Variants in GOLGA5 observed in about 807,000 individuals in gnomAD.
GOLGA5 encodes golgin subfamily A member 5.
Under a neutral mutation model 93.5 loss-of-function variants are expected in GOLGA5, and 50 were observed. That is an observed-to-expected ratio of 0.53 (90% CI 0.43 to 0.68). GOLGA5 has a LOEUF of 0.68. Ranked by LOEUF, GOLGA5 falls within the 30% of genes least tolerant of loss-of-function variation. The pLI is 0.00. For synonymous variants in GOLGA5, 312 were observed against 304.5 expected (o/e 1.02, Z -0.26); for missense variants, 760 against 856.4 (o/e 0.89, Z 1.40).
intron 2 of GOLGA5, among the ~76,000 whole-genome samples, chr14:92,801,531 C>T (rs189965830): frequency 1.3e-5 from 2 of 151,908 alleles, no homozygotes; most frequent in Non-Finnish European, 2.9e-5. Context: ...ATTCTAAATT[C>T]TAAATTCTTT....
At chr14:92,830,576 A>G (rs576100953) in intron 9 of GOLGA5, among the ~76,000 whole-genome samples, 2 of 152,032 alleles carry the variant, frequency 1.3e-5, no homozygotes, top group Non-Finnish European at 2.9e-5. Context: ...AATAGACTAC[A>G]GTATATTGTA....
intron 1 of GOLGA5, among the ~76,000 whole-genome samples, chr14:92,794,859 C>T (rs1406085342): frequency 6.7e-6 from 1 of 149,618 alleles, no homozygotes; most frequent in Non-Finnish European, 1.5e-5. Flanking sequence ...CAGGCCCTGC[C>T]GCAGCCCTTT....
chr14:92,817,663 G>T (rs945777897), intron 7 of GOLGA5, among the ~76,000 whole-genome samples: 7 of 152,118 alleles, frequency 4.6e-5, no homozygotes, highest in Non-Finnish European at 1.0e-4. Context: ...GAAACTTTTT[G>T]TAGAGAATGT....
chr14:92,798,264 AAAG>A (rs763264755), intron 2 of GOLGA5, among the ~76,000 whole-genome samples: 1 of 152,232 alleles, frequency 6.6e-6, no homozygotes, highest in Non-Finnish European at 1.5e-5. Flanking sequence ...AAGATTAAAA[AAAG>A]AAAATTTTGA....
In GOLGA5 at chr14:92,824,599, C is replaced by A. The variant is rs756384689; in HGVS notation, c.1674C>A (p.Ser558Arg). 14 of 1,604,736 alleles carry A rather than the reference C, an allele frequency of 8.7e-6. No homozygotes were observed. The highest frequency in any genetic ancestry group is 1.1e-5 in the Non-Finnish European group (13 of 1,173,550). ...DLYRTKNTLQ[S>R]RIKDRDEEIQ... ...ATCGAACAAAGAACACATTGCAAAG[C>A]AGAATTAAAGATCGAGACGAAGAAA... The change falls in exon 9 of 13, where the codon AGC becomes AGA. Residue 558 changes from serine to arginine, a missense_variant. By Grantham distance (110) the Ser-to-Arg change is moderately radical. Coordinates refer to ENST00000163416, the MANE Select transcript of GOLGA5 (RefSeq NM_005113.4).
chr14:92,825,335 A>C (rs1885395642), intron 9 of GOLGA5, among the ~76,000 whole-genome samples: 1 of 152,182 alleles, frequency 6.6e-6, no homozygotes. Context: ...ATAATTTTAA[A>C]TGTTTTGAAA....
At chr14:92,814,951 A>C (rs1305215468) in intron 6 of GOLGA5, among the ~76,000 whole-genome samples, 1 of 152,184 alleles carries the variant, frequency 6.6e-6, no homozygotes, top group African/African-American at 2.4e-5. Context: ...TAAAATGTAA[A>C]AAAAAAATTT....
intron 7 of GOLGA5, among the ~76,000 whole-genome samples, chr14:92,817,810 C>G (rs1408097930): frequency 6.6e-6 from 1 of 152,192 alleles, no homozygotes; most frequent in African/African-American, 2.4e-5. Context: ...GTCTTTGGTA[C>G]TTAACAGATG....
intron 3 of GOLGA5, among the ~76,000 whole-genome samples, chr14:92,807,801 G>GT (rs1236025851): frequency 1.1e-5 from 1 of 92,562 alleles, no homozygotes; most frequent in African/African-American, 5.2e-5. Flanking sequence ...GAATGTTATT[G>GT]TAAGTGTGGC....
At chr14:92,809,770 A>G (rs1403185048) in intron 4 of GOLGA5, among the ~76,000 whole-genome samples, 3 of 152,146 alleles carry the variant, frequency 2.0e-5, no homozygotes, top group Non-Finnish European at 2.9e-5. Context: ...CCTGACCAAC[A>G]TGGAGAAACC....
Position 92,796,488 on chromosome 14 carries a change from G to C in GOLGA5, c.-30-920G>C, listed in dbSNP as rs376355529. 6.6e-5 allele frequency among the ~76,000 whole-genome samples: 10 copies of C among 152,226 alleles called. 1 individual carries two copies. The South Asian group carries it at 1.5e-3, about 22-fold the overall frequency. On this transcript the variant is annotated intron_variant, in intron 1 of 12. Coordinates refer to ENST00000163416, the MANE Select transcript of GOLGA5 (RefSeq NM_005113.4). The stretch of plus-strand genomic sequence containing the variant: ...TCCTTTCTGTATGCCTGTTTGTGTT[G>C]AAATTTCCTCCTCTTAGAAGGACAT...
At chr14:92,809,031 T>A (rs995051005) in intron 3 of GOLGA5, among the ~76,000 whole-genome samples, 1 of 152,196 alleles carries the variant, frequency 6.6e-6, no homozygotes, top group African/African-American at 2.4e-5. Context: ...AATACTAGTT[T>A]CGGCTCCCAG....
Position 92,836,603 on chromosome 14 carries a change from T to C in GOLGA5, c.2052-783T>C, listed in dbSNP as rs936256693. ...TCTGGACATCATATTGCTTCCACAC[T>C]ATTTATTCAAATGCATGAGTTTATA... is the stretch of plus-strand genomic sequence containing the variant. On this transcript the variant is annotated intron_variant, in intron 11 of 12. Coordinates refer to ENST00000163416, the MANE Select transcript of GOLGA5 (RefSeq NM_005113.4). 2.2e-4 allele frequency among the ~76,000 whole-genome samples: 34 copies of C among 151,236 alleles called. No individual in the cohort carries two copies. The Middle Eastern group carries it at 9.7e-3, about 43-fold the overall frequency.
intron 5 of GOLGA5, chr14:92,810,581 A>C (rs1382664350): frequency 2.8e-6 from 1 of 351,066 alleles, no homozygotes; most frequent in African/African-American, 2.1e-5. Flanking sequence ...AGACAATTAA[A>C]ATAGTTAATG....
chr14:92,796,291 T>A (rs1884724745), intron 1 of GOLGA5, among the ~76,000 whole-genome samples: 1 of 152,250 alleles, frequency 6.6e-6, no homozygotes, highest in Non-Finnish European at 1.5e-5. Context: ...GCTGTTTGGA[T>A]GTTGTTTTAA....
intron 10 of GOLGA5, among the ~76,000 whole-genome samples, chr14:92,834,599 A>G (rs142805674): frequency 6.6e-6 from 1 of 152,366 alleles, no homozygotes; most frequent in Non-Finnish European, 1.5e-5. Flanking sequence ...AGGAACAGCA[A>G]GGAGGCCAAG....
intron 1 of GOLGA5, among the ~76,000 whole-genome samples, chr14:92,796,267 C>G (rs539244383): frequency 6.6e-6 from 1 of 152,248 alleles, no homozygotes; most frequent in East Asian, 1.9e-4. Context: ...GGAGTTTTGC[C>G]ATATTGGTTA....
At chr14:92,838,156 T>G (rs17128622) in intron 12 of GOLGA5, among the ~76,000 whole-genome samples, 9,655 of 152,256 alleles carry the variant, frequency 0.063, 364 homozygotes, top group Middle Eastern at 0.12. Context: ...TCTCCCAGAT[T>G]TCTTACCTCT....
intron 5 of GOLGA5, 100 bp from the exon 6 acceptor site, chr14:92,811,451 G>A (rs1885099830): frequency 2.4e-6 from 2 of 825,272 alleles, no homozygotes; most frequent in Non-Finnish European, 4.0e-6. Context: ...ATGTTGTTTG[G>A]CTGAGCTAAT....
Sources: allele counts gnomAD v4.1 joint callset (sites outside exome capture counted in the v4.1 genomes callset), GRCh38; gene constraint gnomAD v4.1.1; transcripts MANE v1.5; gene names NCBI Gene and HGNC (gene_info 2026-07-23, HGNC 2026-07-21).